CFAP299: variants seen among roughly 807,000 people sequenced by gnomAD.
CFAP299 encodes cilia and flagella associated protein 299.
In CFAP299, 21 loss-of-function variants were observed where a neutral mutation model predicts 27.0. The ratio of observed to expected loss-of-function variants is 0.78; its 90% CI spans 0.55 to 1.12. The LOEUF is 1.12. CFAP299 is among the 50% of genes most tolerant of loss of function. CFAP299 has a pLI of 0.00. For synonymous variants in CFAP299, 104 were observed against 98.1 expected (o/e 1.06, Z -0.36); for missense variants, 310 against 276.6 (o/e 1.12, Z -0.86).
chr4:80,472,998 T>C (rs556661411), intron 2 of CFAP299, among the ~76,000 whole-genome samples: 1 of 152,278 alleles, frequency 6.6e-6, no homozygotes, highest in African/African-American at 2.4e-5. Flanking sequence ...ACAGGCTAGT[T>C]AGTAGGGGCT....
intron 2 of CFAP299, among the ~76,000 whole-genome samples, chr4:80,562,524 A>T (rs1373521852): frequency 6.6e-6 from 1 of 151,614 alleles, no homozygotes; most frequent in African/African-American, 2.4e-5. Context: ...TAACCAGCTT[A>T]ACAAATTAAA....
At chr4:80,703,423 T>G (rs1341413874) in intron 3 of CFAP299, among the ~76,000 whole-genome samples, 2 of 151,680 alleles carry the variant, frequency 1.3e-5, no homozygotes, top group African/African-American at 4.8e-5. Flanking sequence ...TGACCAAGAC[T>G]GAAAATATTA....
intron 4 of CFAP299, among the ~76,000 whole-genome samples, chr4:80,886,870 CAA>C (rs1352668643): frequency 1.3e-5 from 2 of 151,876 alleles, no homozygotes; most frequent in Non-Finnish European, 2.9e-5. Flanking sequence ...ATAAATTTAA[CAA>C]AGAGATTGAA....
At chr4:80,552,269 G>C (rs1048879879) in intron 2 of CFAP299, among the ~76,000 whole-genome samples, 6 of 152,102 alleles carry the variant, frequency 3.9e-5, no homozygotes, top group African/African-American at 1.4e-4. Flanking sequence ...ATCAACTGAA[G>C]TTACCATATA....
chr4:80,828,502 G>T (rs531011577), intron 3 of CFAP299, among the ~76,000 whole-genome samples: 2 of 152,182 alleles, frequency 1.3e-5, no homozygotes, highest in Admixed American at 1.3e-4. Flanking sequence ...GGCAGGGCTT[G>T]GTAGGAGGTG....
chr4:80,852,101 G>T (rs963694903), intron 3 of CFAP299, among the ~76,000 whole-genome samples: 3 of 151,996 alleles, frequency 2.0e-5, no homozygotes, highest in Non-Finnish European at 2.9e-5. Flanking sequence ...TTTTTGTATT[G>T]TACCTTTATA....
intron 2 of CFAP299, among the ~76,000 whole-genome samples, chr4:80,548,697 T>A (rs1290652577): frequency 6.6e-6 from 1 of 152,190 alleles, no homozygotes; most frequent in East Asian, 1.9e-4. Context: ...TGTGTTTGCA[T>A]GTGTTAGGAC....
chr4:80,864,585 A>T (rs1458147847), intron 3 of CFAP299, among the ~76,000 whole-genome samples: 1 of 149,834 alleles, frequency 6.7e-6, no homozygotes, highest in Non-Finnish European at 1.5e-5. Context: ...TTTCAATTTT[A>T]GCTTCAAATT....
intron 3 of CFAP299, among the ~76,000 whole-genome samples, chr4:80,596,929 CT>C (rs1207427051): frequency 1.3e-5 from 2 of 152,026 alleles, no homozygotes; most frequent in Non-Finnish European, 2.9e-5. Context: ...TATTTTATTT[CT>C]GTGGTTTTCC....
At chr4:80,881,607 T>G (rs1733711284) in intron 4 of CFAP299, among the ~76,000 whole-genome samples, 1 of 152,224 alleles carries the variant, frequency 6.6e-6, no homozygotes, top group Admixed American at 6.5e-5. Flanking sequence ...TGTGTATGCC[T>G]CTCTGAGTCT....
chr4:80,752,419 C>CAT (rs902954837), intron 3 of CFAP299, among the ~76,000 whole-genome samples: 1 of 145,540 alleles, frequency 6.9e-6, no homozygotes, highest in South Asian at 2.1e-4. Flanking sequence ...TATATATACA[C>CAT]ATATATATAA....
At chr4:80,930,402 C>G (rs1329529272) in intron 4 of CFAP299, among the ~76,000 whole-genome samples, 2 of 152,144 alleles carry the variant, frequency 1.3e-5, no homozygotes, top group Non-Finnish European at 2.9e-5. Context: ...CATGGGATTT[C>G]TAATTAATAG....
At chr4:80,630,038 G>C (rs1013845777) in intron 3 of CFAP299, among the ~76,000 whole-genome samples, 3 of 151,918 alleles carry the variant, frequency 2.0e-5, no homozygotes, top group African/African-American at 7.3e-5. Context: ...GAGAAAATTC[G>C]TGAACTGATC....
At chr4:80,956,730 G>C (rs920375563) in intron 5 of CFAP299, among the ~76,000 whole-genome samples, 4 of 151,946 alleles carry the variant, frequency 2.6e-5, no homozygotes, top group Non-Finnish European at 4.4e-5. Flanking sequence ...TTATAGGCTT[G>C]AGCCACCATG....
At position 80,547,017 on chromosome 4, in the gene CFAP299, T is replaced by TA. The variant is rs916885752; in HGVS notation, c.243-36067dup. Among the ~76,000 whole-genome samples, 32 of 151,434 alleles carry TA rather than the reference T, an allele frequency of 2.1e-4. 1 individual carries two copies. In the South Asian group the frequency reaches 4.2e-3, roughly 20 times the overall value. On this transcript the variant is annotated intron_variant, in intron 2 of 5. Transcript: ENST00000358105. ...CTTAAAACTTCATTTTTCACAGAAT[T>TA]AAAAAAAAATTATTCCAGAATTCAT...
intron 3 of CFAP299, among the ~76,000 whole-genome samples, chr4:80,606,230 G>A (rs1285295784): frequency 6.6e-6 from 1 of 152,158 alleles, no homozygotes; most frequent in African/African-American, 2.4e-5. Flanking sequence ...AGTATAGTAT[G>A]TACAAAGGTA....
rs17004956 is a variant in CFAP299 at position 80,619,702 on chromosome 4, G to A, written c.333+36519G>A. On this transcript the variant is annotated intron_variant, in intron 3 of 5. Coordinates refer to ENST00000358105, the MANE Select transcript of CFAP299 (RefSeq NM_152770.3). ...TACTAAGCAGTTACAACTCTCTTGT[G>A]ATTTCCAGGCACCTATACTGGCTGT... Among the ~76,000 whole-genome samples, 924 of 152,112 alleles carry A rather than the reference G, an allele frequency of 6.1e-3. 9 individuals are homozygous for A. Among genetic ancestry groups the A allele is most frequent in the African/African-American group, 0.021 (867 of 41,526 alleles).
At chr4:80,635,747 T>C (rs904045125) in intron 3 of CFAP299, among the ~76,000 whole-genome samples, 1 of 152,182 alleles carries the variant, frequency 6.6e-6, no homozygotes, top group African/African-American at 2.4e-5. Context: ...ACCAGGAATT[T>C]GGTAGAAAGC....
intron 2 of CFAP299, among the ~76,000 whole-genome samples, chr4:80,367,484 G>T (rs767952738): frequency 1.3e-5 from 2 of 151,980 alleles, no homozygotes; most frequent in South Asian, 2.1e-4. Context: ...GTCTTAATTT[G>T]TACCTGTTCC....
Sources: allele counts gnomAD v4.1 joint callset (sites outside exome capture counted in the v4.1 genomes callset), GRCh38; gene constraint gnomAD v4.1.1; transcripts MANE v1.5; gene names NCBI Gene and HGNC (gene_info 2026-07-23, HGNC 2026-07-21).